The following PRKCB variants were observed in gnomAD, a reference collection of about 807,000 sequenced individuals.
PRKCB encodes the protein protein kinase C beta type.
A neutral mutation model predicts 81.5 loss-of-function variants in PRKCB; 13 were observed. The ratio of observed to expected loss-of-function variants is 0.16; its 90% CI spans 0.10 to 0.25. PRKCB has a LOEUF of 0.25. Among genes scored for constraint, PRKCB ranks in the 10% least tolerant of loss-of-function variants. PRKCB has a pLI of 1.00. For missense variants in PRKCB, 509 were observed against 875.7 expected, an observed-to-expected ratio of 0.58 and a Z score of 5.29; for synonymous variants, 335 against 321.4, an observed-to-expected ratio of 1.04 and a Z score of -0.45.
chr16:24,073,463 C>G (rs1327371827), intron 5 of PRKCB, among the ~76,000 whole-genome samples: 1 of 152,168 alleles, frequency 6.6e-6, no homozygotes, highest in Non-Finnish European at 1.5e-5. Context: ...CCTTGAGTTA[C>G]TGGGACTACA....
Position 24,032,180 on chromosome 16 carries a change from C to T in PRKCB, c.333C>T (p.Ser111=). 3 of 1,613,896 alleles carry T rather than the reference C, an allele frequency of 1.9e-6. No individual in the cohort carries two copies. The South Asian group carries it at 3.3e-5, about 18-fold the overall frequency. ...AGTTTAAGATCCACACGTACTCCAG[C>T]CCCACGTTTTGTGACCACTGTGGGT... is the stretch of plus-strand genomic sequence containing the variant. ...KHKFKIHTYS[S]PTFCDHCGSL... is the part of the protein sequence containing the mutation. The change falls in exon 4 of 17, where the codon AGC becomes AGT. Residue 111 remains serine, a synonymous_variant. Transcript: ENST00000643927.
chr16:24,135,732 G>A (rs1174276325), intron 9 of PRKCB, among the ~76,000 whole-genome samples: 1 of 152,184 alleles, frequency 6.6e-6, no homozygotes, highest in Non-Finnish European at 1.5e-5. Context: ...TAAAGTCTGA[G>A]CTTCTGTTGT....
intron 8 of PRKCB, among the ~76,000 whole-genome samples, chr16:24,118,974 G>A (rs1201021390): frequency 1.3e-5 from 2 of 152,100 alleles, no homozygotes; most frequent in African/African-American, 4.8e-5. Context: ...AGGCGAAAGA[G>A]CTTGGCATCA....
intron 5 of PRKCB, among the ~76,000 whole-genome samples, chr16:24,071,017 G>C (rs1319934330): frequency 2.6e-5 from 4 of 152,168 alleles, no homozygotes; most frequent in Admixed American, 1.3e-4. Context: ...CCAAAGGCAA[G>C]GGAGGGAACC....
intron 2 of PRKCB, among the ~76,000 whole-genome samples, chr16:23,910,229 A>G (rs772642805): frequency 6.6e-6 from 1 of 152,066 alleles, no homozygotes; most frequent in Non-Finnish European, 1.5e-5. Context: ...CACTTGATGG[A>G]AAGAGTCAAG....
intron 3 of PRKCB, among the ~76,000 whole-genome samples, chr16:24,014,650 C>T (rs1329735141): frequency 6.6e-6 from 1 of 152,176 alleles, no homozygotes; most frequent in Non-Finnish European, 1.5e-5. Context: ...TTAATCTGTA[C>T]ACATCTAGAA....
rs993730791 is a variant in PRKCB at position 23,941,075 on chromosome 16, G to T, written c.206-47433G>T. ...AAAAGATAGACTGCCTAGATTAGGGGTTGGCAAATGTTTTCTTACAGGACT... is the reference window on the plus strand; with the variant it reads ...AAAAGATAGACTGCCTAGATTAGGGTTTGGCAAATGTTTTCTTACAGGACT... On this transcript the variant is annotated intron_variant, in intron 2 of 16. Coordinates refer to ENST00000643927, the MANE Select transcript of PRKCB (RefSeq NM_002738.7). Among the ~76,000 whole-genome samples, 7 of 152,136 alleles carry T rather than the reference G, an allele frequency of 4.6e-5. No homozygotes were observed. The East Asian group carries it at 1.2e-3, about 25-fold the overall frequency.
At chr16:23,841,841 A>G (rs537507630) in intron 2 of PRKCB, among the ~76,000 whole-genome samples, 33 of 151,820 alleles carry the variant, frequency 2.2e-4, no homozygotes, top group Non-Finnish European at 3.7e-4. Context: ...TTTTTAGTAG[A>G]GGTGGGGTTT....
chr16:23,942,071 C>A (rs1436323203), intron 2 of PRKCB, among the ~76,000 whole-genome samples: 3 of 152,104 alleles, frequency 2.0e-5, no homozygotes, highest in Non-Finnish European at 4.4e-5. Flanking sequence ...ACATGTCAAC[C>A]AAAATCAATA....
intron 12 of PRKCB, among the ~76,000 whole-genome samples, chr16:24,180,551 G>GT (rs1967601727): frequency 6.6e-6 from 1 of 152,074 alleles, no homozygotes; most frequent in Non-Finnish European, 1.5e-5. Context: ...CTGTCTCTTT[G>GT]TGTCCTTGTG....
intron 2 of PRKCB, among the ~76,000 whole-genome samples, chr16:23,848,235 G>T (rs1962412401): frequency 6.6e-6 from 1 of 152,160 alleles, no homozygotes; most frequent in African/African-American, 2.4e-5. Context: ...TGGGATGTGT[G>T]GGGGTGAGTG....
chr16:24,013,238 C>G (rs773718959), intron 3 of PRKCB, among the ~76,000 whole-genome samples: 14 of 152,120 alleles, frequency 9.2e-5, no homozygotes, highest in Non-Finnish European at 1.9e-4. Flanking sequence ...TTAGGGACAT[C>G]TAAATATTAG....
chr16:23,983,911 A>C (rs1373947140), intron 2 of PRKCB, among the ~76,000 whole-genome samples: 1 of 152,064 alleles, frequency 6.6e-6, no homozygotes, highest in Non-Finnish European at 1.5e-5. Flanking sequence ...AGAATAACTG[A>C]TATTTTAGAT....
chr16:23,881,978 C>CTT (rs998927992), intron 2 of PRKCB, among the ~76,000 whole-genome samples: 2 of 21,824 alleles, frequency 9.2e-5, no homozygotes, highest in Admixed American at 1.2e-3. Context: ...TTCTTTCTTT[C>CTT]TTTCTTTCTT....
chr16:23,840,701 C>T (rs1325652183), intron 2 of PRKCB, among the ~76,000 whole-genome samples: 4 of 152,142 alleles, frequency 2.6e-5, no homozygotes, highest in African/African-American at 9.7e-5. Flanking sequence ...TGAGAGTAAC[C>T]TTCAGGCTCT....
At chr16:24,180,208 G>T in intron 12 of PRKCB, among the ~76,000 whole-genome samples, 1 of 152,158 alleles carries the variant, frequency 6.6e-6, no homozygotes, top group South Asian at 2.1e-4. Flanking sequence ...CTCCCGAAGT[G>T]CTGGAATCGC....
chr16:24,067,391 C>G (rs1419670759), intron 5 of PRKCB, among the ~76,000 whole-genome samples: 1 of 152,010 alleles, frequency 6.6e-6, no homozygotes, highest in African/African-American at 2.4e-5. Context: ...CCTCTACCTC[C>G]TGGGCTCAAG....
At chr16:24,166,602 TCTC>T (rs1311442557) in intron 10 of PRKCB, among the ~76,000 whole-genome samples, 1 of 152,176 alleles carries the variant, frequency 6.6e-6, no homozygotes, top group Non-Finnish European at 1.5e-5. Flanking sequence ...CCTAAAATGA[TCTC>T]CTACCCATTT....
intron 5 of PRKCB, among the ~76,000 whole-genome samples, chr16:24,056,050 A>G (rs1291228027): frequency 3.3e-5 from 5 of 152,236 alleles, no homozygotes; most frequent in Admixed American, 6.5e-5. Flanking sequence ...TTTGCATCTA[A>G]CACCCAGCCC....
Sources: allele counts gnomAD v4.1 joint callset (sites outside exome capture counted in the v4.1 genomes callset), GRCh38; gene constraint gnomAD v4.1.1; transcripts MANE v1.5; gene names NCBI Gene and HGNC (gene_info 2026-07-23, HGNC 2026-07-21).